Variants in BACH2 observed in about 807,000 individuals in gnomAD.
BACH2 encodes the protein transcription regulator protein BACH2.
Under a neutral mutation model 61.8 loss-of-function variants are expected in BACH2, and 5 were observed. The observed-to-expected ratio is 0.08, with a 90% CI of 0.04 to 0.17. The LOEUF (loss-of-function observed/expected upper bound fraction) is 0.17, where lower values mean the gene tolerates loss of function less well. BACH2 is among the 10% of genes least tolerant of loss of function. BACH2 has a pLI of 1.00. For missense variants in BACH2, 824 were observed against 1,091.1 expected, an observed-to-expected ratio of 0.76 and a Z score of 3.45; for synonymous variants, 446 against 440.1, an observed-to-expected ratio of 1.01 and a Z score of -0.17.
At chr6:90,246,266 G>A (rs1392026954) in intron 3 of BACH2, among the ~76,000 whole-genome samples, 5 of 152,130 alleles carry the variant, frequency 3.3e-5, no homozygotes, top group African/African-American at 9.7e-5. Context: ...GTTGATTACT[G>A]TACTTTTATA....
At chr6:90,067,185 T>C (rs1391197172) in intron 5 of BACH2, among the ~76,000 whole-genome samples, 1 of 152,008 alleles carries the variant, frequency 6.6e-6, no homozygotes, top group Admixed American at 6.6e-5. Flanking sequence ...ATGAGGACGA[T>C]TTTGACAAGT....
intron 3 of BACH2, among the ~76,000 whole-genome samples, chr6:90,239,825 A>G (rs935462134): frequency 8.1e-4 from 121 of 149,752 alleles, no homozygotes; most frequent in Non-Finnish European, 1.4e-3. Context: ...ACACACACAC[A>G]CACACACACA....
intron 4 of BACH2, among the ~76,000 whole-genome samples, chr6:90,117,908 C>A (rs1032410613): frequency 6.6e-6 from 1 of 152,144 alleles, no homozygotes; most frequent in African/African-American, 2.4e-5. Flanking sequence ...TAAGTTTAGG[C>A]CCTTTTCCTC....
chr6:90,110,787 G>C (rs1377583523), intron 4 of BACH2, among the ~76,000 whole-genome samples: 1 of 152,132 alleles, frequency 6.6e-6, no homozygotes, highest in African/African-American at 2.4e-5. Context: ...GAAAAAAGCA[G>C]CCAGTTCAGC....
intron 4 of BACH2, among the ~76,000 whole-genome samples, chr6:90,120,009 G>A (rs1264720880): frequency 6.6e-6 from 1 of 152,250 alleles, no homozygotes; most frequent in Non-Finnish European, 1.5e-5. Flanking sequence ...AGGATCAAGA[G>A]TCAGAAGACC....
chr6:90,076,213 G>A (rs555276039), intron 5 of BACH2, among the ~76,000 whole-genome samples: 1 of 152,250 alleles, frequency 6.6e-6, no homozygotes, highest in East Asian at 1.9e-4. Context: ...TTAAAGACAC[G>A]TAAAGGAAGG....
chr6:90,107,271 CT>C (rs978353311), intron 4 of BACH2, among the ~76,000 whole-genome samples: 1 of 151,924 alleles, frequency 6.6e-6, no homozygotes, highest in African/African-American at 2.4e-5. Flanking sequence ...ACTTGGGGGA[CT>C]GAGGCAGGAG....
chr6:90,100,710 C>CAT lies in BACH2; in HGVS notation c.-161-11602_-161-11601insAT, dbSNP rs1230504434. ...CTACACACACACACACAGACACACA[C>CAT]ACACACACACACACACAGACACACA... On this transcript the variant is annotated intron_variant, in intron 4 of 8. Coordinates refer to ENST00000257749, the MANE Select transcript of BACH2 (RefSeq NM_021813.4). 1.8e-3 allele frequency among the ~76,000 whole-genome samples: 258 copies of CAT among 139,838 alleles called. 1 individual carries two copies. The highest frequency in any genetic ancestry group is 5.0e-3 in the African/African-American group (178 of 35,578). 91.7% of individuals were successfully genotyped at this position (139,838 alleles called of 152,430 possible). A position where few individuals can be genotyped will look rare whatever the true frequency, so the allele number is the denominator to read the frequency against.
chr6:90,019,482 C>A (rs1367461766), intron 5 of BACH2, among the ~76,000 whole-genome samples: 1 of 152,198 alleles, frequency 6.6e-6, no homozygotes, highest in Non-Finnish European at 1.5e-5. Flanking sequence ...TAGGGGCCTG[C>A]TTCCATGTTT....
At chr6:89,938,441 G>T in intron 7 of BACH2, 91 bp from the exon 8 acceptor site, 1 of 1,057,900 alleles carries the variant, frequency 9.5e-7, no homozygotes, top group African/African-American at 1.6e-5. Context: ...TCCTTTTTAT[G>T]ATGACCAAGT....
At chr6:90,109,720 G>A (rs763513775) in intron 4 of BACH2, among the ~76,000 whole-genome samples, 4 of 152,192 alleles carry the variant, frequency 2.6e-5, no homozygotes, top group African/African-American at 9.6e-5. Context: ...ACAAATATCT[G>A]AAGATGAATC....
intron 3 of BACH2, among the ~76,000 whole-genome samples, chr6:90,250,120 T>G (rs1470187525): frequency 1.3e-5 from 2 of 152,196 alleles, no homozygotes; most frequent in Non-Finnish European, 2.9e-5. Context: ...TTTTGATTTC[T>G]GAATGAAAGA....
At position 89,947,711 on chromosome 6, in the gene BACH2, G is replaced by A. The variant is rs533038260; in HGVS notation, c.1836+2559C>T. ...CTCCTGAGTAGCTGGGACTACAGGC[G>A]CCCACCACGACGCCCAGCTAATTTT... On this transcript the variant is annotated intron_variant, in intron 7 of 8. Coordinates refer to ENST00000257749, the MANE Select transcript of BACH2 (RefSeq NM_021813.4). 1.8e-4 allele frequency among the ~76,000 whole-genome samples: 27 copies of A among 151,680 alleles called. No individual in the cohort carries two copies. The South Asian group carries it at 2.5e-3, about 14-fold the overall frequency.
intron 4 of BACH2, among the ~76,000 whole-genome samples, chr6:90,135,952 C>G (rs764379636): frequency 3.3e-5 from 5 of 152,188 alleles, no homozygotes; most frequent in African/African-American, 9.7e-5. Flanking sequence ...AACTCTGCCA[C>G]GGCCAGCTCA....
chr6:90,270,929 T>TA lies in BACH2; in HGVS notation c.-353+919dup, dbSNP rs374376972. 6.2e-3 allele frequency among the ~76,000 whole-genome samples: 913 copies of TA among 146,296 alleles called. 10 individuals carry two copies. Among genetic ancestry groups the TA allele is most frequent in the African/African-American group, 0.024 (872 of 35,972 alleles). On this transcript the variant is annotated intron_variant, in intron 2 of 8. Coordinates refer to ENST00000257749, the MANE Select transcript of BACH2 (RefSeq NM_021813.4). ...GAATCCGGAAATAAAGCCAAATACT[T>TA]ACAGCCAACTGATCTTTGACAAAGC...
Position 89,964,510 on chromosome 6 carries a change from A to T in BACH2, c.244-12648T>A, listed in dbSNP as rs1029107700. 2.0e-5 allele frequency among the ~76,000 whole-genome samples: 3 copies of T among 152,258 alleles called. No individual in the cohort carries two copies. In the East Asian group the frequency reaches 5.8e-4, roughly 29 times the overall value. On this transcript the variant is annotated intron_variant, in intron 6 of 8. Transcript: ENST00000257749. ...TTTGGACCGTACAAAATCTTCTTTG[A>T]CTTCATGTTCTTTAAGATGATACTG...
chr6:90,129,330 T>C (rs1473251354), intron 4 of BACH2, among the ~76,000 whole-genome samples: 2 of 152,128 alleles, frequency 1.3e-5, no homozygotes, highest in Non-Finnish European at 2.9e-5. Context: ...CTGTCACATA[T>C]TTCTTTTTCT....
intron 6 of BACH2, among the ~76,000 whole-genome samples, chr6:89,971,749 C>A (rs536777244): frequency 1.3e-5 from 2 of 152,152 alleles, no homozygotes; most frequent in African/African-American, 4.8e-5. Context: ...GAGAGCCAAG[C>A]GAACAGGGAA....
intron 4 of BACH2, among the ~76,000 whole-genome samples, chr6:90,131,860 T>A (rs537184947): frequency 6.6e-6 from 1 of 152,258 alleles, no homozygotes; most frequent in African/African-American, 2.4e-5. Flanking sequence ...CACTCACAAC[T>A]AAAAAATTAA....
Sources: gnomAD v4.1 joint callset for allele counts (sites outside exome capture counted in the v4.1 genomes callset) on GRCh38, gnomAD v4.1.1 for gene constraint, MANE v1.5 for transcripts, NCBI Gene and HGNC (gene_info 2026-07-23, HGNC 2026-07-21) for gene names.